Variants in LYSMD2 observed in about 807,000 individuals in gnomAD.
The protein encoded by LYSMD2 is lysM and putative peptidoglycan-binding domain-containing protein 2.
Under a neutral mutation model 17.7 loss-of-function variants are expected in LYSMD2, and 6 were observed. That is an observed-to-expected ratio of 0.34 (90% CI 0.19 to 0.67). LYSMD2 has a LOEUF of 0.67. Ranked by LOEUF, LYSMD2 falls within the 30% of genes least tolerant of loss-of-function variation. The pLI, the probability that LYSMD2 is intolerant of heterozygous loss-of-function variation, is 0.69. For synonymous variants in LYSMD2, 102 were observed against 129.8 expected (o/e 0.79, Z 1.45); for missense variants, 237 against 286.7 (o/e 0.83, Z 1.25).
upstream of LYSMD2, among the ~76,000 whole-genome samples, chr15:51,741,201 A>G (rs765701011): frequency 6.6e-6 from 1 of 152,242 alleles, no homozygotes; most frequent in Non-Finnish European, 1.5e-5. Context: ...ACAAAGGGAC[A>G]AGGAAGTAAG....
At chr15:51,733,732 C>A (rs888636115) in intron 1 of LYSMD2, among the ~76,000 whole-genome samples, 1 of 152,076 alleles carries the variant, frequency 6.6e-6, no homozygotes, top group Admixed American at 6.5e-5. Flanking sequence ...AAGTGTGAGG[C>A]CCTTCTAAGC....
At chr15:51,733,049 T>C (rs2055586406) in intron 1 of LYSMD2, among the ~76,000 whole-genome samples, 1 of 152,204 alleles carries the variant, frequency 6.6e-6, no homozygotes, top group African/African-American at 2.4e-5. Flanking sequence ...AGGTCCAAAG[T>C]GATCTAGTCC....
intron 1 of LYSMD2, among the ~76,000 whole-genome samples, chr15:51,726,526 G>A (rs953727989): frequency 6.6e-6 from 1 of 152,196 alleles, no homozygotes; most frequent in Admixed American, 6.5e-5. Flanking sequence ...ACAGACCCAT[G>A]ACAGAATCAT....
At chr15:51,751,209 A>G in intron 1 of LYSMD2, 1 of 699,512 alleles carries the variant, frequency 1.4e-6, no homozygotes, top group Non-Finnish European at 2.6e-6. Flanking sequence ...TGCCAACCCA[A>G]CTACTCTCTC....
At chr15:51,734,992 T>C (rs1445193298) in intron 1 of LYSMD2, among the ~76,000 whole-genome samples, 1 of 151,972 alleles carries the variant, frequency 6.6e-6, no homozygotes, top group Non-Finnish European at 1.5e-5. Flanking sequence ...CTGGGCAACA[T>C]AATGAGACCC....
At chr15:51,729,182 G>A (rs2055560415) in intron 1 of LYSMD2, among the ~76,000 whole-genome samples, 1 of 152,258 alleles carries the variant, frequency 6.6e-6, no homozygotes, top group Non-Finnish European at 1.5e-5. Context: ...AAAAAATCAT[G>A]TGGCTAAAGT....
At position 51,730,056 on chromosome 15, in the gene LYSMD2, T is replaced by C. The variant is rs536946293; in HGVS notation, c.274-4935A>G. ...TTTCAAAAGTCTCCCTTAACCTAGA[T>C]TGAATAGTGTAACTCAATGAAATAT... On this transcript the variant is annotated intron_variant, in intron 1 of 2. Coordinates refer to ENST00000267838, the MANE Select transcript of LYSMD2 (RefSeq NM_153374.3). Among the ~76,000 whole-genome samples, 21 of 152,294 alleles carry C rather than the reference T, an allele frequency of 1.4e-4. No individual in the cohort carries two copies. The East Asian group carries it at 3.7e-3, about 27-fold the overall frequency.
In LYSMD2 at chr15:51,742,707, C is replaced by A. The variant is rs571429927; in HGVS notation, c.-1+8564G>T. ...GTGCAGTGGCTCATGCATGTAATAC[C>A]AGCACTTTAAGAGGCTGAGGCAGGA... On this transcript the variant is annotated intron_variant, in intron 1 of 2. Coordinates refer to the LYSMD2 transcript ENST00000454181. Among the ~76,000 whole-genome samples the A allele has an allele frequency of 5.3e-5, 8 of 152,148 alleles. No homozygotes were observed. In the South Asian group the frequency reaches 1.7e-3, roughly 32 times the overall value.
chr15:51,749,603 A>G (rs554333340), intron 1 of LYSMD2, among the ~76,000 whole-genome samples: 1 of 152,350 alleles, frequency 6.6e-6, no homozygotes. Context: ...GAAATACTGT[A>G]CACTACTGAG....
chr15:51,727,431 T>C (rs1182996270), intron 1 of LYSMD2, among the ~76,000 whole-genome samples: 1 of 152,218 alleles, frequency 6.6e-6, no homozygotes, highest in Non-Finnish European at 1.5e-5. Flanking sequence ...CTAGGGGTAA[T>C]GTCTCCCTGC....
intron 1 of LYSMD2, among the ~76,000 whole-genome samples, chr15:51,746,429 G>T (rs533637395): frequency 6.6e-6 from 1 of 152,304 alleles, no homozygotes; most frequent in Admixed American, 6.5e-5. Context: ...AAATAAATTT[G>T]TGATTGCCAG....
chr15:51,744,620 T>TG (rs1276292362), intron 1 of LYSMD2, among the ~76,000 whole-genome samples: 59 of 152,272 alleles, frequency 3.9e-4, no homozygotes, highest in Non-Finnish European at 1.2e-4. Context: ...TCTTGTAATA[T>TG]TTTTGTCTAG....
chr15:51,735,157 G>A (rs531948930), intron 1 of LYSMD2, among the ~76,000 whole-genome samples: 2 of 150,978 alleles, frequency 1.3e-5, no homozygotes, highest in African/African-American at 4.9e-5. Flanking sequence ...CTGGGTAACA[G>A]AGTGAGACCC....
intron 1 of LYSMD2, among the ~76,000 whole-genome samples, chr15:51,728,677 C>A (rs112233804): frequency 0.01 from 1,538 of 151,938 alleles, 17 homozygotes; most frequent in African/African-American, 0.022. Context: ...CAAGACCAGC[C>A]TAGCCAACAT....
Position 51,723,375 on chromosome 15 carries a change from G to A in LYSMD2, c.*232C>T. 2 of 401,860 alleles carry A rather than the reference G, an allele frequency of 5.0e-6. No individual in the cohort carries two copies. Among genetic ancestry groups the A allele is most frequent in the Non-Finnish European group, 9.0e-6 (2 of 223,126 alleles). The allele number at this position is 401,860 out of a possible 1,614,324, so 24.9% of individuals were successfully genotyped here. ...AAAAACTAACACCACCTACAAAAGT[G>A]ATGAGCTTTAGGCTACAACCTTGCC... is the stretch of plus-strand genomic sequence containing the variant. On this transcript the variant is annotated 3_prime_UTR_variant, in exon 3 of 3. Transcript: ENST00000267838.
At chr15:51,745,297 G>GA (rs972809045) in intron 1 of LYSMD2, among the ~76,000 whole-genome samples, 15 of 150,346 alleles carry the variant, frequency 1.0e-4, no homozygotes, top group East Asian at 5.8e-4. Context: ...GACATAACAA[G>GA]AAAAAAAAAC....
intron 2 of LYSMD2, among the ~76,000 whole-genome samples, 192 bp from the exon 3 acceptor site, chr15:51,723,841 C>A (rs1372972281): frequency 1.3e-5 from 2 of 151,988 alleles, no homozygotes; most frequent in African/African-American, 4.8e-5. Flanking sequence ...ATTCATATCT[C>A]AGTTATTAGA....
chr15:51,728,464 A>G lies in LYSMD2; in HGVS notation c.274-3343T>C, dbSNP rs185894498. ...CACACAAGAAGTACTCAAAGGTGTC[A>G]GCAATTATTATCATTAAATTTAATG... On this transcript the variant is annotated intron_variant, in intron 1 of 2. Transcript: ENST00000267838. Among the ~76,000 whole-genome samples the G allele has an allele frequency of 2.1e-4, 32 of 152,058 alleles. No homozygotes were observed. The East Asian group carries it at 6.2e-3, about 29-fold the overall frequency.
At chr15:51,731,941 A>G (rs1300869104) in intron 1 of LYSMD2, among the ~76,000 whole-genome samples, 1 of 152,186 alleles carries the variant, frequency 6.6e-6, no homozygotes, top group Non-Finnish European at 1.5e-5. Flanking sequence ...AAGCAAGTTT[A>G]CGTCTGAGGT....
Sources: gnomAD v4.1 joint callset for allele counts (sites outside exome capture counted in the v4.1 genomes callset) on GRCh38, gnomAD v4.1.1 for gene constraint, MANE v1.5 for transcripts, NCBI Gene and HGNC (gene_info 2026-07-23, HGNC 2026-07-21) for gene names.